Variants in ZNF804B observed in about 807,000 individuals in gnomAD.
The protein encoded by ZNF804B is zinc finger 804B.
In ZNF804B, 80 loss-of-function variants were observed where a neutral mutation model predicts 101.4. The observed-to-expected ratio is 0.79, with a 90% CI of 0.66 to 0.95. The LOEUF (loss-of-function observed/expected upper bound fraction) is 0.95, where lower values mean the gene tolerates loss of function less well. Among genes scored for constraint, ZNF804B ranks in the 40% least tolerant of loss-of-function variants. The pLI, the probability that ZNF804B is intolerant of heterozygous loss-of-function variation, is 0.00. For synonymous variants in ZNF804B, 622 were observed against 558.8 expected, an observed-to-expected ratio of 1.11 and a Z score of -1.59; for missense variants, 1,673 against 1,561.9, an observed-to-expected ratio of 1.07 and a Z score of -1.20.
chr7:89,117,737 T>A (rs1324277175), intron 1 of ZNF804B, among the ~76,000 whole-genome samples: 1 of 152,216 alleles, frequency 6.6e-6, no homozygotes, highest in Non-Finnish European at 1.5e-5. Context: ...TCATACTCAT[T>A]ACATATGTAA....
intron 1 of ZNF804B, among the ~76,000 whole-genome samples, chr7:88,936,111 T>TA (rs1562837005): frequency 6.9e-5 from 10 of 144,304 alleles, no homozygotes; most frequent in African/African-American, 2.1e-4. Context: ...CTTTTTTTTT[T>TA]TAAAAAAAAT....
intron 1 of ZNF804B, among the ~76,000 whole-genome samples, chr7:88,914,197 G>C (rs1792596749): frequency 1.3e-5 from 2 of 152,136 alleles, no homozygotes; most frequent in African/African-American, 4.8e-5. Flanking sequence ...AAATGAAAAA[G>C]AAGTTTGGAA....
chr7:89,197,344 G>A (rs2040684), intron 1 of ZNF804B, among the ~76,000 whole-genome samples: 112,337 of 151,512 alleles, frequency 0.74, 42,716 homozygotes, highest in African/African-American at 0.87. Flanking sequence ...GACAATATGC[G>A]TTGCCACAAA....
At chr7:89,000,654 C>T (rs1424817961) in intron 1 of ZNF804B, among the ~76,000 whole-genome samples, 1 of 151,726 alleles carries the variant, frequency 6.6e-6, no homozygotes, top group Admixed American at 6.6e-5. Flanking sequence ...CTCACTGCCT[C>T]TGATAGCCAC....
intron 2 of ZNF804B, among the ~76,000 whole-genome samples, chr7:89,268,124 C>A (rs1041184660): frequency 3.9e-5 from 6 of 152,064 alleles, no homozygotes; most frequent in African/African-American, 1.2e-4. Flanking sequence ...TTAAAAACAG[C>A]ATTCTTACTA....
chr7:89,261,833 T>C (rs1465090540), intron 2 of ZNF804B, among the ~76,000 whole-genome samples: 1 of 152,184 alleles, frequency 6.6e-6, no homozygotes, highest in Non-Finnish European at 1.5e-5. Flanking sequence ...TTGTTGTACA[T>C]GCAGTGTGCA....
intron 1 of ZNF804B, among the ~76,000 whole-genome samples, chr7:88,956,596 T>G (rs1793313307): frequency 6.6e-6 from 1 of 151,584 alleles, no homozygotes; most frequent in African/African-American, 2.4e-5. Flanking sequence ...TCTAAACTTT[T>G]AATTTTCTAA....
At chr7:89,273,579 C>T (rs1789931402) in intron 2 of ZNF804B, among the ~76,000 whole-genome samples, 1 of 152,084 alleles carries the variant, frequency 6.6e-6, no homozygotes, top group Non-Finnish European at 1.5e-5. Context: ...TTTCCATTTG[C>T]AAAGTATGAC....
intron 2 of ZNF804B, among the ~76,000 whole-genome samples, chr7:89,277,107 TTATA>T (rs1490201433): frequency 6.7e-6 from 1 of 148,534 alleles, no homozygotes; most frequent in Non-Finnish European, 1.5e-5. Flanking sequence ...CAAATATTTA[TTATA>T]TATAAATATA....
chr7:88,937,115 C>CAAAAAAAAAAAA (rs3034325), intron 1 of ZNF804B, among the ~76,000 whole-genome samples: 1 of 110,958 alleles, frequency 9.0e-6, no homozygotes, highest in Non-Finnish European at 1.9e-5. Context: ...ATGAGAATAG[C>CAAAAAAAAAAAA]AAAAAAAAAA....
intron 2 of ZNF804B, among the ~76,000 whole-genome samples, chr7:89,282,215 A>AG (rs1260922938): frequency 1.3e-4 from 19 of 151,694 alleles, no homozygotes; most frequent in African/African-American, 4.1e-4. Context: ...AAAAAAAAAA[A>AG]AAAATGTAAC....
chr7:89,305,847 A>G (rs1790553814), intron 2 of ZNF804B, among the ~76,000 whole-genome samples: 1 of 151,984 alleles, frequency 6.6e-6, no homozygotes, highest in African/African-American at 2.4e-5. Flanking sequence ...ATTTACATCT[A>G]TGTACATTGA....
At chr7:89,190,597 C>A (rs1788441631) in intron 1 of ZNF804B, among the ~76,000 whole-genome samples, 1 of 152,080 alleles carries the variant, frequency 6.6e-6, no homozygotes, top group Non-Finnish European at 1.5e-5. Flanking sequence ...AGGTTTCACT[C>A]CAAATTCGAA....
At chr7:88,924,019 A>G (rs950507974) in intron 1 of ZNF804B, among the ~76,000 whole-genome samples, 1 of 152,172 alleles carries the variant, frequency 6.6e-6, no homozygotes, top group Admixed American at 6.6e-5. Context: ...TGCTATAAAT[A>G]TGCTTCAATA....
intron 1 of ZNF804B, among the ~76,000 whole-genome samples, chr7:88,917,437 T>G (rs1384367969): frequency 6.6e-6 from 1 of 152,176 alleles, no homozygotes; most frequent in South Asian, 2.1e-4. Flanking sequence ...GAAAATACAG[T>G]TAAACATTTC....
intron 1 of ZNF804B, among the ~76,000 whole-genome samples, chr7:89,129,429 G>T (rs1342662566): frequency 1.3e-5 from 2 of 151,968 alleles, no homozygotes; most frequent in African/African-American, 4.8e-5. Flanking sequence ...CAAAACATTT[G>T]GGAAGCCAGG....
intron 1 of ZNF804B, among the ~76,000 whole-genome samples, chr7:89,080,870 G>A (rs2116312335): frequency 6.6e-6 from 1 of 151,926 alleles, no homozygotes; most frequent in East Asian, 1.9e-4. Context: ...ACATTTTTAG[G>A]AAAAAGTGTC....
chr7:89,326,883 A>G (rs1790903590), intron 2 of ZNF804B, among the ~76,000 whole-genome samples: 2 of 152,050 alleles, frequency 1.3e-5, no homozygotes. Flanking sequence ...GCTTTGAACC[A>G]AATCTTTCAC....
intron 1 of ZNF804B, among the ~76,000 whole-genome samples, chr7:89,146,794 G>C (rs1248382683): frequency 1.3e-5 from 2 of 151,924 alleles, no homozygotes; most frequent in East Asian, 1.9e-4. Context: ...GGGAGGCTGA[G>C]ACGGGGTAGA....
Sources: gnomAD v4.1 joint callset for allele counts (sites outside exome capture counted in the v4.1 genomes callset) on GRCh38, gnomAD v4.1.1 for gene constraint, MANE v1.5 for transcripts, NCBI Gene and HGNC (gene_info 2026-07-23, HGNC 2026-07-21) for gene names.